Variants in POMT1 observed in about 807,000 individuals in gnomAD.
POMT1 encodes the protein protein O-mannosyl-transferase 1.
In POMT1, 85 loss-of-function variants were observed where a neutral mutation model predicts 101.6. The ratio of observed to expected loss-of-function variants is 0.84; its 90% confidence interval spans 0.70 to 1.00. The LOEUF (loss-of-function observed/expected upper bound fraction) is 1.00, where lower values mean the gene tolerates loss of function less well. Among genes scored for constraint, POMT1 ranks in the 50% least tolerant of loss-of-function variants. The pLI, the probability that POMT1 is intolerant of heterozygous loss-of-function variation, is 0.00. For synonymous variants in POMT1, 371 were observed against 383.0 expected (o/e 0.97, Z 0.37); for missense variants, 857 against 930.4 (o/e 0.92, Z 1.03).
rs758736387 is a variant in POMT1 at position 131,518,503 on chromosome 9, G to A, written c.1331G>A (p.Arg444His). The A allele has an allele frequency of 5.6e-6, 9 of 1,613,772 alleles. No homozygotes were observed. Among genetic ancestry groups the A allele is most frequent in the South Asian group, 3.3e-5 (3 of 91,086 alleles). ...TGGAAGACCATCCTCTCAGAGGTCC[G>A]CTTTGTGCACGTGAACACTTCCGCT... ...DVWKTILSEV[R>H]FVHVNTSAVL... is the part of the protein sequence containing the mutation. Residue 444 changes from arginine (R) to histidine (H), a missense_variant, in exon 14 of 20, where the codon CGC (arginine) becomes CAC (histidine). Physicochemically the swap from Arg to His is conservative, Grantham distance 29. Coordinates refer to ENST00000402686, the MANE Select transcript of POMT1 (RefSeq NM_001077365.2).
chr9:131,521,331 C>T lies in POMT1; in HGVS notation c.1699-15C>T. Reference sequence around the variant, plus strand: ...AGAGGGCAGGTGGCTAACAGCATCTCCCATGTTCCCTTAGGCTCAGATCCA... The same window carrying T: ...AGAGGGCAGGTGGCTAACAGCATCTTCCATGTTCCCTTAGGCTCAGATCCA... On this transcript the variant is annotated splice_polypyrimidine_tract_variant and intron_variant, in intron 17 of 19. Coordinates refer to ENST00000402686, the MANE Select transcript of POMT1 (RefSeq NM_001077365.2). The T allele has an allele frequency of 6.2e-7, 1 of 1,614,114 alleles. No individual in the cohort carries two copies. Among genetic ancestry groups the T allele is most frequent in the Non-Finnish European group, 8.5e-7 (1 of 1,179,976 alleles).
Position 131,522,591 on chromosome 9 carries a change from A to AG in POMT1, c.2004-340dup. ...TGGTGTGGTGGAGAGAACCCAAGAA[A>AG]GCTTCTAAACCAGAGTGTGTTTGGA... On this transcript the variant is annotated intron_variant, in intron 19 of 19. Transcript: ENST00000402686. This position sits in a 1 kb window ranked among gnomAD's most constrained non-coding sequence, Gnocchi z 5.5. 1.9e-6 allele frequency: 1 copy of AG among 524,806 alleles called. No homozygotes were observed. The highest frequency in any genetic ancestry group is 2.1e-5 in the South Asian group (1 of 47,954). 32.5% of individuals were successfully genotyped at this position (524,806 alleles called of 1,614,324 possible). A position where few individuals can be genotyped will look rare whatever the true frequency, so the allele number is the denominator to read the frequency against.
intron 13 of POMT1, among the ~76,000 whole-genome samples, chr9:131,515,916 AG>A: frequency 1.4e-4 from 16 of 113,618 alleles, no homozygotes; most frequent in Admixed American, 4.6e-4. Context: ...CCTCACATGG[AG>A]CACTTCCTCA....
intron 11 of POMT1, 96 bp downstream of exon 11, chr9:131,512,232 C>T (rs1947275811): frequency 6.5e-7 from 1 of 1,548,534 alleles, no homozygotes; most frequent in Admixed American, 1.9e-5. Context: ...TCTTTCCCTC[C>T]CTCACTGACT....
chr9:131,522,168 C>T lies in POMT1; in HGVS notation c.1947C>T (p.Thr649=). ...LFLYHYLPAL[T]FQILLLPVVL... ...TCTACCACTACCTGCCCGCACTCAC[C>T]TTCCAAATCCTTCTGCTCCCTGTGG... The change falls in exon 19 of 20, where the codon ACC becomes ACT. Residue 649 remains threonine, a synonymous_variant. Transcript: ENST00000402686. The surrounding 1 kb of genome is among the most constrained non-coding windows in gnomAD (Gnocchi z 5.5). The T allele has an allele frequency of 2.5e-6, 4 of 1,614,188 alleles. No homozygotes were observed. The highest frequency in any genetic ancestry group is 3.4e-6 in the Non-Finnish European group (4 of 1,180,048).
chr9:131,513,290 G>A lies in POMT1; in HGVS notation c.1134G>A (p.Met378Ile). 1 of 1,612,944 alleles carries A rather than the reference G, an allele frequency of 6.2e-7. No homozygotes were observed. Among genetic ancestry groups the A allele is most frequent in the Non-Finnish European group, 8.5e-7 (1 of 1,179,980 alleles). The part of the protein sequence containing the change: ...SPPRPVRHGD[M>I]VQLVHGMTTR... The stretch of plus-strand genomic sequence containing the variant: ...CGAGACCTGTGAGGCACGGGGACAT[G>A]GTGCAGCTGGTCCACGGCATGACCA... Residue 378 changes from methionine to isoleucine, a missense_variant, in exon 12 of 20, where the codon ATG (methionine) becomes ATA (isoleucine). Met to Ile is a conservative substitution (Grantham distance 10). Coordinates refer to ENST00000402686, the MANE Select transcript of POMT1 (RefSeq NM_001077365.2).
In POMT1 at chr9:131,507,442, GC is replaced by G. The variant is rs1471126051; in HGVS notation, c.357del (p.Tyr120ThrfsTer3). ...CGCGGGGGCCTTGTCGGTCCCCATG[GC>G]CTACCAGATAGTGTTGGAGCTCCAC... ...ALAGALSVPM[A>X]YQIVLELHFS... On this transcript the variant is annotated frameshift_variant, in exon 5 of 20. Coordinates refer to ENST00000402686, the MANE Select transcript of POMT1 (RefSeq NM_001077365.2). LOFTEE classifies it high-confidence loss of function. 1 of 1,614,176 alleles carries G rather than the reference GC, an allele frequency of 6.2e-7. No homozygotes were observed. Among genetic ancestry groups the G allele is most frequent in the East Asian group, 2.2e-5 (1 of 44,884 alleles).
chr9:131,521,987 G>C (rs1159088364), intron 18 of POMT1, 60 bp from the exon 19 acceptor site: 3 of 1,609,170 alleles, frequency 1.9e-6, no homozygotes, highest in Non-Finnish European at 2.5e-6. Context: ...AAGCAAAAGA[G>C]AGAGAAGACC....
In POMT1 at chr9:131,523,709, A is replaced by C. The variant is rs1401386949; in HGVS notation, c.*603A>C. ...GACTCCACTGAGACGTGGCTGAGTG[A>C]AATCTTCCTCGTCAGTGGTCAAGGT... On this transcript the variant is annotated 3_prime_UTR_variant, in exon 20 of 20. Coordinates refer to ENST00000402686, the MANE Select transcript of POMT1 (RefSeq NM_001077365.2). The C allele has an allele frequency of 6.2e-6, 1 of 160,896 alleles. No individual in the cohort carries two copies. The highest frequency in any genetic ancestry group is 1.4e-5 in the Non-Finnish European group (1 of 72,290). 10.0% of individuals were successfully genotyped at this position (160,896 alleles called of 1,614,324 possible).
chr9:131,521,022 T>A (rs1465518959), intron 17 of POMT1: 4 of 374,166 alleles, frequency 1.1e-5, no homozygotes, highest in Non-Finnish European at 1.6e-5. Context: ...TTGTACTTTT[T>A]AATAGAGACG....
chr9:131,506,488 G>A (rs371035842), intron 4 of POMT1, 35 bp downstream of exon 4: 104 of 1,572,512 alleles, frequency 6.6e-5, no homozygotes, highest in South Asian at 1.8e-4. Context: ...TTTAATGTGC[G>A]CAGGTTAGAA....
intron 13 of POMT1, among the ~76,000 whole-genome samples, chr9:131,517,665 A>G (rs1188911338): frequency 6.6e-6 from 1 of 151,726 alleles, no homozygotes; most frequent in African/African-American, 2.4e-5. Context: ...CTGCATTTCC[A>G]TCCCCGCCCC....
chr9:131,504,038 A>G (rs1270076743), intron 1 of POMT1, among the ~76,000 whole-genome samples, 151 bp from the exon 2 acceptor site: 1 of 152,064 alleles, frequency 6.6e-6, no homozygotes, highest in Non-Finnish European at 1.5e-5. Context: ...CCACATGTCT[A>G]CCTGAACCAA....
chr9:131,512,174 CTCCTGGCCTGGCCAGG>C, intron 11 of POMT1, 38 bp downstream of exon 11: 1 of 1,608,390 alleles, frequency 6.2e-7, no homozygotes, highest in Non-Finnish European at 8.5e-7. Flanking sequence ...CAGAGCTCAC[CTCCTGGCCTGGCCAGG>C]CGAGACCCTG....
chr9:131,507,755 T>G (rs1946173184), intron 5 of POMT1, among the ~76,000 whole-genome samples: 1 of 152,212 alleles, frequency 6.6e-6, no homozygotes, highest in Non-Finnish European at 1.5e-5. Context: ...CAGATGCTGC[T>G]GCAAAGTCCA....
In POMT1 at chr9:131,523,321, T is replaced by C. The variant is rs1393208577; in HGVS notation, c.*215T>C. Reference sequence around the variant, plus strand: ...TAATTTTTTCTCGACAATAAAGATATTCCGTGTCTTTACCCCTGAACTAAG... The same window carrying C: ...TAATTTTTTCTCGACAATAAAGATACTCCGTGTCTTTACCCCTGAACTAAG... On this transcript the variant is annotated 3_prime_UTR_variant, in exon 20 of 20. Coordinates refer to ENST00000402686, the MANE Select transcript of POMT1 (RefSeq NM_001077365.2). The C allele has an allele frequency of 8.1e-6, 5 of 614,666 alleles. No homozygotes were observed. The East Asian group carries it at 8.7e-5, about 11-fold the overall frequency. The allele number at this position is 614,666 out of a possible 1,614,324, so 38.1% of individuals were successfully genotyped here. A position where few individuals can be genotyped will look rare whatever the true frequency, so the allele number is the denominator to read the frequency against.
chr9:131,510,996 T>TAGA, intron 9 of POMT1: 1 of 288,816 alleles, frequency 3.5e-6, no homozygotes, highest in South Asian at 4.2e-5. Context: ...GTGCTGTGTG[T>TAGA]TTCAGCAAGT....
In POMT1 at chr9:131,513,219, G is replaced by T; in HGVS notation, c.1083-20G>T. The T allele has an allele frequency of 6.2e-7, 1 of 1,608,510 alleles. No homozygotes were observed. The highest frequency in any genetic ancestry group is 8.5e-7 in the Non-Finnish European group (1 of 1,176,226). ...AGGGGACCAGGCTCTGTGTGGTCCC[G>T]ACAGCACTGTGTCTTCCAGGCACCA... is the stretch of plus-strand genomic sequence containing the variant. On this transcript the variant is annotated intron_variant, in intron 11 of 19. Transcript: ENST00000402686.
At chr9:131,510,972 C>T (rs1389165961) in intron 9 of POMT1, 5 of 278,516 alleles carry the variant, frequency 1.8e-5, no homozygotes, top group East Asian at 9.1e-5. Context: ...AGCCTGCCGA[C>T]GGCCAGTGCT....
Sources: gnomAD v4.1 joint callset for allele counts (sites outside exome capture counted in the v4.1 genomes callset) on GRCh38, gnomAD v4.1.1 for gene constraint, Gnocchi (gnomAD v3.1) non-coding constraint, MANE v1.5 for transcripts, NCBI Gene and HGNC (gene_info 2026-07-23, HGNC 2026-07-21) for gene names.